The following MCOLN2 variants were observed in gnomAD, a reference collection of about 807,000 sequenced individuals.
MCOLN2 encodes mucolipin-2.
MCOLN2 carries 57 observed loss-of-function variants against 67.5 expected under a neutral mutation model. That is an observed-to-expected ratio of 0.84 (90% CI 0.68 to 1.05). The LOEUF (loss-of-function observed/expected upper bound fraction) is 1.05. Among genes scored for constraint, MCOLN2 ranks in the 50% least tolerant of loss-of-function variants. The pLI, the probability that MCOLN2 is intolerant of heterozygous loss-of-function variation, is 0.00. For synonymous variants in MCOLN2, 246 were observed against 233.3 expected (o/e 1.05, Z -0.50); for missense variants, 620 against 678.8 (o/e 0.91, Z 0.96).
chr1:84,943,402 G>A (rs1303515859), intron 7 of MCOLN2, among the ~76,000 whole-genome samples: 1 of 152,138 alleles, frequency 6.6e-6, no homozygotes, highest in Non-Finnish European at 1.5e-5. Context: ...GGGAAGGACA[G>A]CGTCGGGGAT....
chr1:84,931,916 C>T (rs1164718564), intron 11 of MCOLN2, among the ~76,000 whole-genome samples: 1 of 151,220 alleles, frequency 6.6e-6, no homozygotes, highest in African/African-American at 2.4e-5. Flanking sequence ...CCCAGCTATT[C>T]AGGAGGCTGG....
intron 1 of MCOLN2, among the ~76,000 whole-genome samples, chr1:84,978,298 A>G (rs1037948586): frequency 6.6e-6 from 1 of 152,110 alleles, no homozygotes. Flanking sequence ...AAAAACTTCA[A>G]ATAAACAATC....
chr1:84,964,535 G>A (rs575778792), intron 2 of MCOLN2, among the ~76,000 whole-genome samples: 1 of 136,076 alleles, frequency 7.3e-6, no homozygotes, highest in African/African-American at 2.6e-5. Context: ...GTGGGGGGGG[G>A]TGGGTAATGG....
rs1661145500 is a variant in MCOLN2, at chr1:84,926,115, C to T, written c.*570G>A. The T allele has an allele frequency of 6.6e-6, 1 of 152,410 alleles. No individual in the cohort carries two copies. The highest frequency in any genetic ancestry group is 2.4e-5 in the African/African-American group (1 of 41,390). 9.4% of individuals were successfully genotyped at this position (152,410 alleles called of 1,614,324 possible). A position where few individuals can be genotyped will look rare whatever the true frequency, so the allele number is the denominator to read the frequency against. ...ATGTTGCCCAGGCTGGTCTCAAGCT[C>T]CTGAGCTCAGTCTGCCTGCCTAGGC... On this transcript the variant is annotated 3_prime_UTR_variant, in exon 14 of 14. Coordinates refer to ENST00000370608, the MANE Select transcript of MCOLN2 (RefSeq NM_153259.4).
chr1:84,956,649 C>A, intron 3 of MCOLN2, 65 bp from the exon 4 acceptor site: 3 of 1,335,752 alleles, frequency 2.2e-6, no homozygotes, highest in Non-Finnish European at 2.0e-6. Context: ...GAGGTTATAG[C>A]ATATAGAATG....
intron 2 of MCOLN2, among the ~76,000 whole-genome samples, chr1:84,963,761 A>G (rs641427): frequency 0.058 from 8,774 of 152,216 alleles, 874 homozygotes; most frequent in African/African-American, 0.2. Flanking sequence ...AAGTTTCCTG[A>G]GGCCTCACCA....
Position 84,958,700 on chromosome 1 carries a change from A to G in MCOLN2, c.240T>C (p.Leu80=), listed in dbSNP as rs772001053. Residue 80 remains leucine, a splice_region_variant and synonymous_variant, in exon 3 of 14, where the codon CTT becomes CTC. Coordinates refer to ENST00000370608, the MANE Select transcript of MCOLN2 (RefSeq NM_153259.4). ...GCTGGTTACTTAAACCAAAACGAAC[A>G]AGCTAAAAAATAAAATAAAATAGAA... ...ILKIVMVTTQ[L]VRFGLSNQLV... The G allele has an allele frequency of 2.5e-6, 4 of 1,568,698 alleles. No individual in the cohort carries two copies. The Admixed American group carries it at 8.4e-5, about 33-fold the overall frequency.
At position 84,958,564 on chromosome 1, in the gene MCOLN2, C is replaced by T. The variant is rs1042547466; in HGVS notation, c.376G>A (p.Asp126Asn). The change falls in exon 3 of 14, where the codon GAT (aspartate) becomes AAT (asparagine). Residue 126 changes from aspartate (D) to asparagine (N), a missense_variant. Asp to Asn is a conservative substitution (Grantham distance 23). Transcript: ENST00000370608. The part of the protein sequence containing the change: ...DYSCSVYTQE[D>N]AYESIFFAIN... ...GCAAAAAAGATGCTCTCATAGGCAT[C>T]CTCTTGAGTATATACACTGCAGCTG... 9 of 1,605,018 alleles carry T rather than the reference C, an allele frequency of 5.6e-6. No individual in the cohort carries two copies. The highest frequency in any genetic ancestry group is 7.6e-6 in the Non-Finnish European group (9 of 1,178,262).
chr1:84,965,211 A>G (rs191355661), intron 2 of MCOLN2, among the ~76,000 whole-genome samples: 1 of 152,340 alleles, frequency 6.6e-6, no homozygotes, highest in East Asian at 1.9e-4. Context: ...GAAGACAAAA[A>G]AATGCAGATT....
At chr1:84,950,419 C>G (rs1475160365) in intron 6 of MCOLN2, among the ~76,000 whole-genome samples, 1 of 152,124 alleles carries the variant, frequency 6.6e-6, no homozygotes, top group African/African-American at 2.4e-5. Flanking sequence ...AAAGCATTTC[C>G]TTCAATTTAG....
intron 1 of MCOLN2, among the ~76,000 whole-genome samples, chr1:84,973,477 C>G (rs942913317): frequency 3.9e-5 from 6 of 152,066 alleles, no homozygotes; most frequent in Non-Finnish European, 5.9e-5. Context: ...GATCCTGTCT[C>G]AAGTAAATAA....
intron 11 of MCOLN2, among the ~76,000 whole-genome samples, chr1:84,935,686 T>C (rs1319660165): frequency 6.6e-6 from 1 of 152,208 alleles, no homozygotes; most frequent in Non-Finnish European, 1.5e-5. Flanking sequence ...ATGTAGCTAC[T>C]AGAAAATTTT....
intron 7 of MCOLN2, 26 bp downstream of exon 7, chr1:84,947,007 C>G (rs759267221): frequency 1.9e-6 from 2 of 1,049,096 alleles, no homozygotes; most frequent in African/African-American, 3.1e-5. Flanking sequence ...CTATAATTCC[C>G]ATGGGCAAGT....
chr1:84,987,172 A>G (rs1398769957), intron 1 of MCOLN2, among the ~76,000 whole-genome samples: 2 of 121,868 alleles, frequency 1.6e-5, no homozygotes, highest in African/African-American at 5.7e-5. Context: ...TGATATATAT[A>G]GGCATATCTA....
At chr1:84,954,778 G>T (rs983785050) in intron 4 of MCOLN2, among the ~76,000 whole-genome samples, 7 of 152,212 alleles carry the variant, frequency 4.6e-5, no homozygotes, top group Non-Finnish European at 1.0e-4. Flanking sequence ...CAGGCACTGT[G>T]CTAGGCACTG....
chr1:84,973,336 A>T (rs1390068304), intron 1 of MCOLN2, among the ~76,000 whole-genome samples: 8 of 152,036 alleles, frequency 5.3e-5, no homozygotes, highest in Non-Finnish European at 8.8e-5. Context: ...AAATCAGCCC[A>T]GTGTGGTGGT....
chr1:84,938,930 G>A (rs1647587866), intron 9 of MCOLN2, among the ~76,000 whole-genome samples: 1 of 152,162 alleles, frequency 6.6e-6, no homozygotes, highest in Admixed American at 6.5e-5. Flanking sequence ...TAGAAGACGG[G>A]AAAGCTGGTG....
intron 3 of MCOLN2, 48 bp downstream of exon 3, chr1:84,958,481 G>C (rs374354595): frequency 1.2e-5 from 17 of 1,450,164 alleles, no homozygotes; most frequent in Non-Finnish European, 1.6e-5. Flanking sequence ...ACAAGGCCAA[G>C]TATCAATACA....
At chr1:84,993,037 TCAAA>T (rs1453445245) in intron 1 of MCOLN2, among the ~76,000 whole-genome samples, 1 of 152,246 alleles carries the variant, frequency 6.6e-6, no homozygotes, top group Non-Finnish European at 1.5e-5. Flanking sequence ...AGAACTTCTT[TCAAA>T]ATTGGAGTCA....
Sources: gnomAD v4.1 joint callset for allele counts (sites outside exome capture counted in the v4.1 genomes callset) on GRCh38, gnomAD v4.1.1 for gene constraint, MANE v1.5 for transcripts, NCBI Gene and HGNC (gene_info 2026-07-23, HGNC 2026-07-21) for gene names.